Variants in PPM1L observed in about 807,000 individuals in gnomAD.
The protein encoded by PPM1L is protein phosphatase, Mg2+/Mn2+ dependent 1L, also known as protein phosphatase 1L.
In PPM1L, 13 loss-of-function variants were observed where a neutral mutation model predicts 31.4. That is an observed-to-expected ratio of 0.41 (90% CI 0.27 to 0.66). The LOEUF is 0.66. Among genes scored for constraint, PPM1L ranks in the 30% least tolerant of loss-of-function variants. The pLI is 0.29. For synonymous variants in PPM1L, 184 were observed against 175.4 expected, an observed-to-expected ratio of 1.05 and a Z score of -0.39; for missense variants, 326 against 453.7, an observed-to-expected ratio of 0.72 and a Z score of 2.56.
chr3:160,834,019 ATTTTTTTT>A (rs78707253), intron 1 of PPM1L, among the ~76,000 whole-genome samples: 1 of 128,740 alleles, frequency 7.8e-6, no homozygotes, highest in Admixed American at 7.9e-5. Flanking sequence ...TCTCCCAGGA[ATTTTTTTT>A]TTTTTTTTTT....
intron 1 of PPM1L, among the ~76,000 whole-genome samples, chr3:160,885,099 G>C (rs1318851243): frequency 6.6e-6 from 1 of 152,116 alleles, no homozygotes; most frequent in African/African-American, 2.4e-5. Flanking sequence ...GGGAGGGATA[G>C]GTACTCAGTA....
chr3:160,823,508 C>T (rs1436491314), intron 1 of PPM1L, among the ~76,000 whole-genome samples: 3 of 151,584 alleles, frequency 2.0e-5, no homozygotes, highest in South Asian at 2.1e-4. Context: ...CCACTATGCC[C>T]GGCCTAAATG....
chr3:160,794,346 G>A (rs928050008), intron 1 of PPM1L, among the ~76,000 whole-genome samples: 4 of 152,102 alleles, frequency 2.6e-5, no homozygotes, highest in Non-Finnish European at 4.4e-5. Flanking sequence ...TTGGTTGAAG[G>A]AATTGAGAAC....
intron 1 of PPM1L, among the ~76,000 whole-genome samples, chr3:160,893,470 G>A (rs938451633): frequency 6.6e-6 from 1 of 152,108 alleles, no homozygotes; most frequent in Non-Finnish European, 1.5e-5. Context: ...AGTCTCATCT[G>A]TCATTTTCCT....
At chr3:160,887,264 A>G (rs6799391) in intron 1 of PPM1L, among the ~76,000 whole-genome samples, 132,418 of 152,046 alleles carry the variant, frequency 0.87, 57,898 homozygotes, top group Middle Eastern at 0.92. Flanking sequence ...CGGGGAGAAT[A>G]AAAACAAGGT....
intron 1 of PPM1L, among the ~76,000 whole-genome samples, chr3:160,940,471 G>T (rs1328770258): frequency 6.6e-6 from 1 of 152,182 alleles, no homozygotes; most frequent in Non-Finnish European, 1.5e-5. Context: ...GCTGGGCGCA[G>T]GGTCCCTGTG....
intron 2 of PPM1L, among the ~76,000 whole-genome samples, chr3:161,030,884 G>T (rs1576794139): frequency 6.6e-6 from 1 of 152,140 alleles, no homozygotes; most frequent in Non-Finnish European, 1.5e-5. Flanking sequence ...TCTTCCTTTG[G>T]TATACTCCAC....
chr3:160,875,225 C>T (rs75818926), intron 1 of PPM1L, among the ~76,000 whole-genome samples: 4,132 of 152,174 alleles, frequency 0.027, 115 homozygotes, highest in Admixed American at 0.081. Flanking sequence ...ATGGAATGTA[C>T]TTATTTATTT....
At chr3:160,992,928 A>T (rs1346382924) in intron 2 of PPM1L, among the ~76,000 whole-genome samples, 1 of 152,152 alleles carries the variant, frequency 6.6e-6, no homozygotes, top group Non-Finnish European at 1.5e-5. Flanking sequence ...GGGGAAAGGG[A>T]TGATGGGCAG....
At chr3:161,053,736 T>C (rs1279290552) in intron 2 of PPM1L, among the ~76,000 whole-genome samples, 2 of 152,268 alleles carry the variant, frequency 1.3e-5, no homozygotes, top group East Asian at 3.9e-4. Flanking sequence ...ACTCATCCCC[T>C]GTTTCTCAAT....
chr3:161,005,911 G>C (rs2108057614), intron 2 of PPM1L, among the ~76,000 whole-genome samples: 1 of 152,120 alleles, frequency 6.6e-6, no homozygotes, highest in African/African-American at 2.4e-5. Context: ...GGTGGGGAAG[G>C]CTTTCCTAGG....
In PPM1L at chr3:161,059,739, G is replaced by A. The variant is rs528512907; in HGVS notation, c.575-5664G>A. Reference sequence around the variant, plus strand: ...TGGGAGGCAACTGGATCCTGGGGGCGGTTTCTCATGAATGATTTGTCACTG... The same window carrying A: ...TGGGAGGCAACTGGATCCTGGGGGCAGTTTCTCATGAATGATTTGTCACTG... On this transcript the variant is annotated intron_variant, in intron 2 of 3. Coordinates refer to ENST00000498165, the MANE Select transcript of PPM1L (RefSeq NM_139245.4). Among the ~76,000 whole-genome samples, 120 of 152,062 alleles carry A rather than the reference G, an allele frequency of 7.9e-4. 1 individual carries two copies. Among genetic ancestry groups the A allele is most frequent in the Non-Finnish European group, 1.4e-3 (98 of 67,946 alleles).
chr3:160,833,541 C>T (rs1270419755), intron 1 of PPM1L, among the ~76,000 whole-genome samples: 2 of 152,028 alleles, frequency 1.3e-5, no homozygotes, highest in African/African-American at 4.8e-5. Flanking sequence ...TGATGTTGAG[C>T]TTTTTTTCAA....
chr3:161,017,721 A>T (rs1009460058), intron 2 of PPM1L, among the ~76,000 whole-genome samples: 1 of 152,158 alleles, frequency 6.6e-6, no homozygotes, highest in Non-Finnish European at 1.5e-5. Context: ...CTGTTTTTAT[A>T]AGAATAAATC....
chr3:160,861,771 CAT>C (rs995201765), intron 1 of PPM1L, among the ~76,000 whole-genome samples: 4 of 152,158 alleles, frequency 2.6e-5, no homozygotes, highest in Non-Finnish European at 4.4e-5. Flanking sequence ...TGTCAGCAGA[CAT>C]GTGTTCCTTT....
At chr3:160,941,723 A>G (rs1229563252) in intron 1 of PPM1L, among the ~76,000 whole-genome samples, 1 of 152,116 alleles carries the variant, frequency 6.6e-6, no homozygotes, top group East Asian at 1.9e-4. Flanking sequence ...GAACTAATAC[A>G]TGGTGTTTCT....
intron 2 of PPM1L, among the ~76,000 whole-genome samples, chr3:161,050,224 G>A (rs531362117): frequency 3.3e-5 from 5 of 152,228 alleles, no homozygotes; most frequent in South Asian, 2.1e-4. Flanking sequence ...TTGCATAGCC[G>A]CAGTCTTAAG....
rs1376023155 is a variant in PPM1L at position 161,067,358 on chromosome 3, G to A, written c.737-1453G>A. Among the ~76,000 whole-genome samples, 4 of 152,118 alleles carry A rather than the reference G, an allele frequency of 2.6e-5. No individual in the cohort carries two copies. The East Asian group carries it at 5.8e-4, about 22-fold the overall frequency. On this transcript the variant is annotated intron_variant, in intron 3 of 3. Coordinates refer to ENST00000498165, the MANE Select transcript of PPM1L (RefSeq NM_139245.4). Reference sequence around the variant, plus strand: ...TGATCAATTGCATATTTTACACAAGGCTTAAGAAACAGTGATTGGTTTTAC... The same window carrying A: ...TGATCAATTGCATATTTTACACAAGACTTAAGAAACAGTGATTGGTTTTAC...
rs1007979816 is a variant in PPM1L at position 160,863,043 on chromosome 3, G to A, written c.400-98693G>A. On this transcript the variant is annotated intron_variant, in intron 1 of 3. Coordinates refer to ENST00000498165, the MANE Select transcript of PPM1L (RefSeq NM_139245.4). ...CTTATTCATTTACTAGCCTTTGTCC[G>A]ACACAATACCTGTGTGGCTTTTATT... Among the ~76,000 whole-genome samples, 23 of 152,122 alleles carry A rather than the reference G, an allele frequency of 1.5e-4. 1 individual carries two copies. Among genetic ancestry groups the A allele is most frequent in the Admixed American group, 1.4e-3 (21 of 15,260 alleles).
Sources: allele counts gnomAD v4.1 joint callset (sites outside exome capture counted in the v4.1 genomes callset), GRCh38; gene constraint gnomAD v4.1.1; transcripts MANE v1.5; gene names NCBI Gene and HGNC (gene_info 2026-07-23, HGNC 2026-07-21).